SMAP1: variants seen among roughly 807,000 people sequenced by gnomAD.
SMAP1 encodes small ArfGAP 1.
In SMAP1, 24 loss-of-function variants were observed where a neutral mutation model predicts 58.5. That is an observed-to-expected ratio of 0.41 (90% confidence interval 0.30 to 0.58). The LOEUF (loss-of-function observed/expected upper bound fraction) is 0.58, where lower values mean the gene tolerates loss of function less well. Ranked by LOEUF, SMAP1 falls within the 20% of genes least tolerant of loss-of-function variation. SMAP1 has a pLI of 0.29. For synonymous variants in SMAP1, 216 were observed against 196.6 expected, an observed-to-expected ratio of 1.10 and a Z score of -0.82; for missense variants, 563 against 566.3, an observed-to-expected ratio of 0.99 and a Z score of 0.06.
chr6:70,793,674 A>AGAGAGAGAGAGAGAGAGAG (rs1768468003), intron 5 of SMAP1, among the ~76,000 whole-genome samples: 1 of 132,168 alleles, frequency 7.6e-6, no homozygotes, highest in African/African-American at 2.8e-5. Context: ...GAGAGAGAGA[A>AGAGAGAGAGAGAGAGAGAG]AGCTTAAAAA....
chr6:70,845,203 T>A (rs1167926867), intron 7 of SMAP1, among the ~76,000 whole-genome samples: 1 of 152,222 alleles, frequency 6.6e-6, no homozygotes, highest in Non-Finnish European at 1.5e-5. Context: ...TGCAAATAGA[T>A]TATGATCAGC....
intron 8 of SMAP1, 58 bp from the exon 9 acceptor site, chr6:70,856,801 T>C: frequency 1.4e-6 from 2 of 1,465,068 alleles, no homozygotes; most frequent in African/African-American, 1.4e-5. Context: ...TTTTAAGTAA[T>C]GGATAAGCTG....
intron 3 of SMAP1, among the ~76,000 whole-genome samples, chr6:70,761,750 T>C (rs1285425091): frequency 1.3e-5 from 2 of 152,102 alleles, no homozygotes; most frequent in African/African-American, 4.8e-5. Flanking sequence ...TTGGCTTATT[T>C]AATTCTTATA....
rs1771521041 is a variant in SMAP1 at position 70,858,220 on chromosome 6, C to T, written c.1260C>T (p.Ser420=). 6.2e-7 allele frequency: 1 copy of T among 1,611,588 alleles called. No homozygotes were observed. The change falls in exon 10 of 11, where the codon AGC becomes AGT. Residue 420 remains serine (S), a synonymous_variant. Coordinates refer to ENST00000370455, the MANE Select transcript of SMAP1 (RefSeq NM_001044305.3). ...GLPQAQQPQW[S]LSQMNQQMAG... is the part of the protein sequence containing the mutation. ...CGCAAGCTCAGCAGCCCCAGTGGAG[C>T]CTCTCACAGGTAGGGGTCATTTACT...
chr6:70,854,714 A>G (rs1209459142), intron 8 of SMAP1, among the ~76,000 whole-genome samples: 1 of 152,116 alleles, frequency 6.6e-6, no homozygotes, highest in Non-Finnish European at 1.5e-5. Flanking sequence ...ATATATTGCT[A>G]CCATGTAATT....
At chr6:70,842,200 A>G (rs1770830175) in intron 7 of SMAP1, among the ~76,000 whole-genome samples, 2 of 152,220 alleles carry the variant, frequency 1.3e-5, no homozygotes. Context: ...TGTTTTTCAG[A>G]GATGGTTTAA....
At chr6:70,843,191 TAAC>T (rs1040323863) in intron 7 of SMAP1, among the ~76,000 whole-genome samples, 2 of 145,878 alleles carry the variant, frequency 1.4e-5, no homozygotes, top group African/African-American at 5.1e-5. Flanking sequence ...ATAATAAAAC[TAAC>T]AACTAATAAG....
intron 6 of SMAP1, among the ~76,000 whole-genome samples, chr6:70,818,914 A>G (rs1769760833): frequency 8.2e-6 from 1 of 121,896 alleles, no homozygotes; most frequent in Non-Finnish European, 1.9e-5. Flanking sequence ...ATTAAAATGT[A>G]TAGTTCAGTG....
intron 1 of SMAP1, among the ~76,000 whole-genome samples, chr6:70,697,283 T>C (rs1453265578): frequency 6.6e-6 from 1 of 152,006 alleles, no homozygotes; most frequent in East Asian, 1.9e-4. Flanking sequence ...TTTCTGGTTG[T>C]TTTGTGGTCT....
chr6:70,804,861 GA>G (rs1769047041), intron 6 of SMAP1, among the ~76,000 whole-genome samples: 1 of 151,732 alleles, frequency 6.6e-6, no homozygotes, highest in South Asian at 2.1e-4. Context: ...TCTGCTGAGA[GA>G]TCTGCTGTTA....
chr6:70,693,475 T>G (rs1371075427), intron 1 of SMAP1, among the ~76,000 whole-genome samples: 1 of 151,878 alleles, frequency 6.6e-6, no homozygotes, highest in Non-Finnish European at 1.5e-5. Flanking sequence ...AGCTAATTTT[T>G]GTATTTTTAG....
At chr6:70,818,084 T>C (rs1168669100) in intron 6 of SMAP1, among the ~76,000 whole-genome samples, 1 of 152,160 alleles carries the variant, frequency 6.6e-6, no homozygotes, top group Non-Finnish European at 1.5e-5. Flanking sequence ...ATTCTACTTT[T>C]GAATATTCAA....
At chr6:70,743,846 TAAAG>T (rs1282567084) in intron 2 of SMAP1, among the ~76,000 whole-genome samples, 1 of 152,162 alleles carries the variant, frequency 6.6e-6, no homozygotes, top group African/African-American at 2.4e-5. Context: ...AAGATTGAGG[TAAAG>T]AAAGAAAGTG....
chr6:70,755,110 T>C (rs1308906285), intron 3 of SMAP1, 45 bp downstream of exon 3: 1 of 1,418,590 alleles, frequency 7.0e-7, no homozygotes. Flanking sequence ...AAACATTAAC[T>C]CATTTTTACA....
intron 2 of SMAP1, among the ~76,000 whole-genome samples, chr6:70,746,632 T>C (rs1462621253): frequency 1.3e-5 from 2 of 152,214 alleles, no homozygotes; most frequent in Admixed American, 6.5e-5. Context: ...TCTAAAATTC[T>C]CTTTTTTTGT....
In SMAP1 at chr6:70,680,102, TCAA is replaced by T. The variant is rs140699249; in HGVS notation, c.118+11994_118+11996del. Among the ~76,000 whole-genome samples, 359 of 150,454 alleles carry T rather than the reference TCAA, an allele frequency of 2.4e-3. 3 individuals are homozygous for T. Among genetic ancestry groups the T allele is most frequent in the South Asian group, 3.0e-3 (14 of 4,744 alleles). On this transcript the variant is annotated intron_variant, in intron 1 of 10. Coordinates refer to ENST00000370455, the MANE Select transcript of SMAP1 (RefSeq NM_001044305.3). ...TCAATGGAGAGAAAGGATAGTCTTT[TCAA>T]CAACAACAACAACAACAACAACAAC...
intron 6 of SMAP1, among the ~76,000 whole-genome samples, chr6:70,824,888 T>C (rs772557753): frequency 3.9e-5 from 6 of 152,194 alleles, no homozygotes; most frequent in Non-Finnish European, 7.3e-5. Flanking sequence ...TAAGATAGGA[T>C]AGGATATTTT....
chr6:70,792,030 G>A (rs1768383697), intron 5 of SMAP1, among the ~76,000 whole-genome samples: 1 of 152,034 alleles, frequency 6.6e-6, no homozygotes, highest in Admixed American at 6.6e-5. Context: ...TTTTGTTGTT[G>A]CGCCCATTAC....
chr6:70,710,184 A>G (rs1397269529), intron 1 of SMAP1, among the ~76,000 whole-genome samples: 1 of 152,126 alleles, frequency 6.6e-6, no homozygotes, highest in Non-Finnish European at 1.5e-5. Flanking sequence ...AAGGTACAGT[A>G]CAAATTGCTA....
Sources: gnomAD v4.1 joint callset for allele counts (sites outside exome capture counted in the v4.1 genomes callset) on GRCh38, gnomAD v4.1.1 for gene constraint, MANE v1.5 for transcripts, NCBI Gene and HGNC (gene_info 2026-07-23, HGNC 2026-07-21) for gene names.